Variants in GEMIN8 observed in about 807,000 individuals in gnomAD.
GEMIN8 encodes gem-associated protein 8.
For synonymous variants in GEMIN8, 80 were observed against 78.5 expected, an observed-to-expected ratio of 1.02 and a Z score of -0.10; for missense variants, 185 against 205.9, an observed-to-expected ratio of 0.90 and a Z score of 0.62.
At chrX:14,002,151 C>T (rs906792237), downstream of GEMIN8, among the ~76,000 whole-genome samples, 15 of 105,195 alleles carry the variant, frequency 1.4e-4, no homozygotes, top group Non-Finnish European at 2.3e-4. Context: ...GGTCTTCCAT[C>T]CTATGAAATT....
rs771984647 is a variant in GEMIN8, at chrX:14,012,857, T to G, written c.473-3688A>C. On this transcript the variant is annotated intron_variant, in intron 4 of 4. Transcript: ENST00000680255. ...CAGAGCCTCCCAGGCAGAGGGGCTA[T>G]GGGGGGGGGCACCAATGAGTTGGGG... 4.5e-3 allele frequency among the ~76,000 whole-genome samples: 485 copies of G among 107,490 alleles called. 2 individuals are homozygous for G. The highest frequency in any genetic ancestry group is 0.015 in the African/African-American group (454 of 29,515). The allele number at this position is 107,490 out of a possible 115,157, so 93.3% of individuals were successfully genotyped here.
chrX:13,988,705 A>G, the GEMIN8 span: 2 of 101,749 alleles, frequency 2.0e-5, no homozygotes, highest in South Asian at 5.0e-4. Flanking sequence ...CAACAAGTCC[A>G]GAGAGATGAT....
At chrX:13,992,645 AAGGTCCTAGAAAAAGTT>A in the GEMIN8 span, among the ~76,000 whole-genome samples, 1 of 111,312 alleles carries the variant, frequency 9.0e-6, no homozygotes, top group Non-Finnish European at 1.9e-5. Flanking sequence ...TTTGAGAAGC[AAGGTCCTAGAAAAAGTT>A]AGGAAGTCAA....
the GEMIN8 span, among the ~76,000 whole-genome samples, chrX:13,989,429 T>G: frequency 1.8e-5 from 2 of 112,110 alleles, no homozygotes; most frequent in Non-Finnish European, 3.8e-5. Context: ...CTTGTAGTAT[T>G]ATTAGTGTTT....
chrX:14,008,823 T>C lies in GEMIN8; in HGVS notation c.*90A>G. ...AACATGCCTGTACCCCAGTACAAAG[T>C]CCCCTTTCCCTAAGAAATGTACAGA... On this transcript the variant is annotated 3_prime_UTR_variant, in exon 5 of 5. Transcript: ENST00000680255. The C allele has an allele frequency of 1.1e-6, 1 of 922,956 alleles. No individual in the cohort carries two copies. The highest frequency in any genetic ancestry group is 1.5e-6 in the Non-Finnish European group (1 of 653,118). 76.1% of individuals were successfully genotyped at this position (922,956 alleles called of 1,213,427 possible).
At chrX:13,999,271 AT>A in the GEMIN8 span, among the ~76,000 whole-genome samples, 755 of 88,883 alleles carry the variant, frequency 8.5e-3, 7 homozygotes, top group East Asian at 0.083. Context: ...CTGTATGTAG[AT>A]TTTTTTTTTT....
chrX:14,004,429 G>A (rs1055603048), downstream of GEMIN8, among the ~76,000 whole-genome samples: 11 of 112,531 alleles, frequency 9.8e-5, no homozygotes, highest in Admixed American at 1.0e-3. Flanking sequence ...ATACCTGAGA[G>A]TAGGATTGCT....
intron 3 of GEMIN8, 48 bp from the exon 4 acceptor site, chrX:14,020,582 C>A: frequency 3.8e-6 from 3 of 789,456 alleles, no homozygotes; most frequent in Non-Finnish European, 5.7e-6. Context: ...TGTTTATTAT[C>A]CTCAAGAGAA....
the GEMIN8 span, among the ~76,000 whole-genome samples, chrX:13,990,021 G>GTGC: frequency 8.9e-6 from 1 of 112,800 alleles, no homozygotes; most frequent in African/African-American, 3.2e-5. Flanking sequence ...GGACTATTAT[G>GTGC]TGCTGTCCAT....
At chrX:14,025,795 G>T (rs1378988159) in intron 2 of GEMIN8, among the ~76,000 whole-genome samples, 1 of 111,772 alleles carries the variant, frequency 8.9e-6, no homozygotes, top group Non-Finnish European at 1.9e-5. Flanking sequence ...AAGCAAACAG[G>T]ACAGAGCTCT....
At position 14,020,484 on chromosome X, in the gene GEMIN8, T is replaced by C. The variant is rs1411786389; in HGVS notation, c.66A>G (p.Ala22=). ...TRPWYSHPVY[A]RYWQHYHQAM... Reference sequence around the variant, plus strand: ...CTTGATGATAATGTTGCCAGTATCTTGCATATACCGGATGAGAATACCAAG... The same window carrying C: ...CTTGATGATAATGTTGCCAGTATCTCGCATATACCGGATGAGAATACCAAG... Residue 22 remains alanine, a synonymous_variant, in exon 4 of 5, where the codon GCA becomes GCG. Transcript: ENST00000680255. The C allele has an allele frequency of 5.0e-6, 6 of 1,205,664 alleles. No homozygotes were observed. Among genetic ancestry groups the C allele is most frequent in the Non-Finnish European group, 6.7e-6 (6 of 889,822 alleles).
Position 14,016,852 on chromosome X carries a change from A to T in GEMIN8, c.472+3226T>A, listed in dbSNP as rs1333735864. Among the ~76,000 whole-genome samples, 18 of 77,583 alleles carry T rather than the reference A, an allele frequency of 2.3e-4. No homozygotes were observed. In the East Asian group the frequency reaches 3.5e-3, roughly 15 times the overall value. The allele number at this position is 77,583 out of a possible 115,157, so 67.4% of individuals were successfully genotyped here. On this transcript the variant is annotated intron_variant, in intron 4 of 4. Transcript: ENST00000680255. Reference sequence around the variant, plus strand: ...AGAGTAAGAATCTGTCTCAAAAAAAAAAAAAAAAAAAAAAATATATATATA... The same window carrying T: ...AGAGTAAGAATCTGTCTCAAAAAAATAAAAAAAAAAAAAAATATATATATA...
intron 4 of GEMIN8, among the ~76,000 whole-genome samples, chrX:14,011,995 G>A (rs1004891523): frequency 3.6e-5 from 4 of 111,649 alleles, no homozygotes; most frequent in African/African-American, 1.3e-4. Context: ...TGTACTCAGC[G>A]TGTGCCCATG....
chrX:14,003,155 C>T (rs1004785563), downstream of GEMIN8, among the ~76,000 whole-genome samples: 1 of 112,539 alleles, frequency 8.9e-6, no homozygotes, highest in Middle Eastern at 4.6e-3. Context: ...CAGAGTCACA[C>T]GTTCTCAAGC....
intron 1 of GEMIN8, among the ~76,000 whole-genome samples, chrX:14,026,622 AC>A (rs765979584): frequency 2.7e-4 from 30 of 112,649 alleles, no homozygotes; most frequent in South Asian, 1.8e-3. Flanking sequence ...CCATCAAGTT[AC>A]CAAAAAATTT....
chrX:13,994,761 G>T, the GEMIN8 span, among the ~76,000 whole-genome samples: 16 of 112,250 alleles, frequency 1.4e-4, no homozygotes, highest in African/African-American at 5.2e-4. Flanking sequence ...AGTATTTGTG[G>T]TCAGCATATA....
At chrX:14,021,416 T>A (rs1924305670) in intron 3 of GEMIN8, 48 bp downstream of exon 3, 1 of 749,906 alleles carries the variant, frequency 1.3e-6, no homozygotes, top group Non-Finnish European at 2.0e-6. Context: ...AAAGTTTACC[T>A]TTTTTACTTA....
At position 14,008,478 on chromosome X, in the gene GEMIN8, A is replaced by C. The variant is rs1353735173; in HGVS notation, c.*435T>G. The C allele has an allele frequency of 7.6e-6, 1 of 131,029 alleles. No individual in the cohort carries two copies. Among genetic ancestry groups the C allele is most frequent in the African/African-American group, 3.2e-5 (1 of 30,948 alleles). The allele number at this position is 131,029 out of a possible 1,213,427, so 10.8% of individuals were successfully genotyped here. A position where few individuals can be genotyped will look rare whatever the true frequency, so the allele number is the denominator to read the frequency against. ...CACTACAGGTAGTGGTATTTGTCTC[A>C]CTACACACTTGGCTCATTTTTAGTG... On this transcript the variant is annotated 3_prime_UTR_variant, in exon 5 of 5. Transcript: ENST00000680255.
downstream of GEMIN8, among the ~76,000 whole-genome samples, chrX:14,002,536 G>A (rs1923013067): frequency 9.0e-6 from 1 of 111,062 alleles, no homozygotes; most frequent in South Asian, 3.8e-4. Context: ...CGCCCAGGCT[G>A]GAGTGCAATG....
Sources: allele counts gnomAD v4.1 joint callset (sites outside exome capture counted in the v4.1 genomes callset), GRCh38; gene constraint gnomAD v4.1.1; transcripts MANE v1.5; gene names NCBI Gene and HGNC (gene_info 2026-07-23, HGNC 2026-07-21).